Variants in CKLF observed in about 807,000 individuals in gnomAD.
The protein encoded by CKLF is chemokine-like factor.
CKLF carries 16 observed loss-of-function variants against 12.9 expected under a neutral mutation model. The ratio of observed to expected loss-of-function variants is 1.24; its 90% CI spans 0.84 to 1.88. The LOEUF is 1.88. Ranked by LOEUF, CKLF falls within the 40% of genes most tolerant of loss-of-function variation. CKLF has a pLI of 0.00. For missense variants in CKLF, 172 were observed against 188.5 expected, an observed-to-expected ratio of 0.91 and a Z score of 0.51; for synonymous variants, 61 against 69.0, an observed-to-expected ratio of 0.88 and a Z score of 0.57.
intron 2 of CKLF, 177 bp from the exon 3 acceptor site, chr16:66,562,945 C>G (rs1324227995): frequency 1.4e-6 from 1 of 702,814 alleles, no homozygotes; most frequent in Admixed American, 2.7e-5. Context: ...TGGTCTCAAA[C>G]TCCAGGCTTC....
chr16:66,558,604 G>C (rs959019090), intron 2 of CKLF: 1 of 338,640 alleles, frequency 3.0e-6, no homozygotes, highest in African/African-American at 2.2e-5. Context: ...AATTCACTTG[G>C]ATAGATCTTC....
intron 2 of CKLF, among the ~76,000 whole-genome samples, chr16:66,562,532 T>C (rs2011804570): frequency 6.6e-6 from 1 of 152,170 alleles, no homozygotes; most frequent in Non-Finnish European, 1.5e-5. Context: ...ACTACATTTA[T>C]GTTAAGTAAA....
At chr16:66,552,814 G>GCT in intron 1 of CKLF, 21 bp downstream of exon 1, 1 of 1,613,862 alleles carries the variant, frequency 6.2e-7, no homozygotes, top group South Asian at 1.1e-5. Flanking sequence ...GCCGCGGAGG[G>GCT]CGGGAGGCTG....
At chr16:66,554,118 A>T (rs914076365) in intron 1 of CKLF, among the ~76,000 whole-genome samples, 1 of 152,202 alleles carries the variant, frequency 6.6e-6, no homozygotes, top group Non-Finnish European at 1.5e-5. Flanking sequence ...TTGATATATT[A>T]ATTCTCTCAA....
At chr16:66,559,978 A>T (rs1402611683) in intron 2 of CKLF, among the ~76,000 whole-genome samples, 3 of 152,318 alleles carry the variant, frequency 2.0e-5, no homozygotes, top group South Asian at 4.1e-4. Context: ...CTTTAAATGC[A>T]CCCAGGAAGC....
intron 1 of CKLF, among the ~76,000 whole-genome samples, chr16:66,554,703 G>T (rs368918495): frequency 1.3e-5 from 2 of 152,188 alleles, no homozygotes; most frequent in African/African-American, 4.8e-5. Context: ...GTAATGAATA[G>T]AATTCTAGGC....
chr16:66,555,232 G>A (rs556255284), intron 1 of CKLF, among the ~76,000 whole-genome samples: 18 of 152,234 alleles, frequency 1.2e-4, no homozygotes, highest in Admixed American at 9.2e-4. Flanking sequence ...GTGAGCCTCC[G>A]TCTCAAAAAC....
intron 2 of CKLF, among the ~76,000 whole-genome samples, chr16:66,559,146 A>C (rs1206302922): frequency 2.0e-5 from 3 of 152,144 alleles, no homozygotes; most frequent in African/African-American, 7.2e-5. Context: ...GATTGCTGCC[A>C]TGTCTTCCTT....
At chr16:66,563,280 A>G in intron 3 of CKLF, 63 bp downstream of exon 3, 1 of 1,579,572 alleles carries the variant, frequency 6.3e-7, no homozygotes, top group Admixed American at 1.7e-5. Context: ...TTACTTGGAA[A>G]ACAGATGTAA....
At position 66,558,001 on chromosome 16, in the gene CKLF, TCTC is replaced by T. The variant is rs540038913; in HGVS notation, c.79-186_79-184del. Among the ~76,000 whole-genome samples the T allele has an allele frequency of 3.9e-5, 6 of 152,114 alleles. No individual in the cohort carries two copies. The East Asian group carries it at 1.2e-3, about 29-fold the overall frequency. On this transcript the variant is annotated intron_variant, in intron 1 of 3. Transcript: ENST00000264001. ...TATTTTTGTTTATTTGGAGATGAGG[TCTC>T]CTTATGTTGCCCAGGCTGGTCTTGA...
chr16:66,554,348 A>G (rs1253316393), intron 1 of CKLF, among the ~76,000 whole-genome samples: 1 of 152,380 alleles, frequency 6.6e-6, no homozygotes, highest in African/African-American at 2.4e-5. Flanking sequence ...TCCTAGAGCA[A>G]TCTAGGGTTG....
chr16:66,552,695 G>A lies in CKLF; in HGVS notation c.-21G>A. The A allele has an allele frequency of 6.2e-7, 1 of 1,614,148 alleles. No individual in the cohort carries two copies. The highest frequency in any genetic ancestry group is 8.5e-7 in the Non-Finnish European group (1 of 1,180,034). On this transcript the variant is annotated 5_prime_UTR_variant, in exon 1 of 4. Coordinates refer to ENST00000264001, the MANE Select transcript of CKLF (RefSeq NM_016951.4). ...CTGAGAAGAGTTGAGGGAAAGTGCT[G>A]CTGCTGGGTCTGCAGACGCGATGGA...
At position 66,566,050 on chromosome 16, in the gene CKLF, ATATTTCTG is replaced by A. The variant is rs2012270041; in HGVS notation, c.*44_*51del. The A allele has an allele frequency of 6.2e-7, 1 of 1,608,378 alleles. No homozygotes were observed. The highest frequency in any genetic ancestry group is 8.5e-7 in the Non-Finnish European group (1 of 1,175,610). On this transcript the variant is annotated 3_prime_UTR_variant, in exon 4 of 4. Transcript: ENST00000264001. This position sits in a 1 kb window ranked among gnomAD's most constrained non-coding sequence, Gnocchi z 4.9. ...TTTAGTTTGATACTAAGTATTAAAC[ATATTTCTG>A]TATTCTTCCACATATTTTCTGCAGT...
Position 66,552,777 on chromosome 16 carries a change from T to G in CKLF, c.62T>G (p.Val21Gly), listed in dbSNP as rs762351152. The G allele has an allele frequency of 2.5e-6, 4 of 1,614,004 alleles. No homozygotes were observed. In the South Asian group the frequency reaches 4.4e-5, roughly 18 times the overall value. The change falls in exon 1 of 4, where the codon GTG (valine) becomes GGG (glycine). Residue 21 changes from valine (V) to glycine (G), a missense_variant. By Grantham distance (109) the Val-to-Gly change is moderately radical (BLOSUM62 -3). Coordinates refer to ENST00000264001, the MANE Select transcript of CKLF (RefSeq NM_016951.4). Reference sequence around the variant, plus strand: ...TTCTGCTTCAGTGTGAAAGGCCACGTGAAGATGCTGCGGCTGGTGAGGCCG... The same window carrying G: ...TTCTGCTTCAGTGTGAAAGGCCACGGGAAGATGCTGCGGCTGGTGAGGCCG... Reference protein sequence around the residue: ...RPFCFSVKGHVKMLRLALTVT... With the variant: ...RPFCFSVKGHGKMLRLALTVT...
At chr16:66,558,106 C>A in intron 1 of CKLF, 84 bp from the exon 2 acceptor site, 1 of 1,570,514 alleles carries the variant, frequency 6.4e-7, no homozygotes, top group Non-Finnish European at 8.6e-7. Context: ...CTGTGCCCAG[C>A]CTATTATTTT....
rs534062077 is a variant in CKLF, at chr16:66,565,753, AT to A, written c.334-131del. ...ATCTCTGAAGTCTCTCCATGTTAGT[AT>A]TAGATGAAGCACAGGGAGCAATCCG... On this transcript the variant is annotated intron_variant, in intron 3 of 3. Transcript: ENST00000264001. The A allele has an allele frequency of 3.8e-3, 2,917 of 762,470 alleles. 11 individuals carry two copies. The highest frequency in any genetic ancestry group is 5.2e-3 in the Non-Finnish European group (2,303 of 440,076). 47.2% of individuals were successfully genotyped at this position (762,470 alleles called of 1,614,324 possible).
Position 66,565,787 on chromosome 16 carries a change from T to C in CKLF, c.334-99T>C, listed in dbSNP as rs2012222950. On this transcript the variant is annotated intron_variant, in intron 3 of 3. Coordinates refer to ENST00000264001, the MANE Select transcript of CKLF (RefSeq NM_016951.4). ...AGCACAGGGAGCAATCCGAGTACCC[T>C]AGCAAGAGAGGAATCTGGTGGGCAG... 4.6e-6 allele frequency: 5 copies of C among 1,095,188 alleles called. No homozygotes were observed. The South Asian group carries it at 5.1e-5, about 11-fold the overall frequency. The allele number at this position is 1,095,188 out of a possible 1,614,324, so 67.8% of individuals were successfully genotyped here.
intron 1 of CKLF, among the ~76,000 whole-genome samples, chr16:66,556,136 T>A (rs1310954944): frequency 1.3e-5 from 2 of 151,510 alleles, no homozygotes; most frequent in Non-Finnish European, 2.9e-5. Context: ...CAGGGGAGAA[T>A]AAAAGGAGAA....
chr16:66,564,784 C>A (rs2012067938), intron 3 of CKLF, among the ~76,000 whole-genome samples: 1 of 152,108 alleles, frequency 6.6e-6, no homozygotes, highest in South Asian at 2.1e-4. Context: ...TTTTTCTTTA[C>A]ATTTATAATG....
Sources: gnomAD v4.1 joint callset for allele counts (sites outside exome capture counted in the v4.1 genomes callset) on GRCh38, gnomAD v4.1.1 for gene constraint, Gnocchi (gnomAD v3.1) non-coding constraint, MANE v1.5 for transcripts, NCBI Gene and HGNC (gene_info 2026-07-23, HGNC 2026-07-21) for gene names.